STK3: variants seen among roughly 807,000 people sequenced by gnomAD.
STK3 encodes the protein serine/threonine kinase 3, also known as serine/threonine-protein kinase 3.
Under a neutral mutation model 58.0 loss-of-function variants are expected in STK3, and 41 were observed. The observed-to-expected ratio is 0.71, with a 90% CI of 0.55 to 0.92. STK3 has a LOEUF of 0.92. Ranked by LOEUF, STK3 falls within the 40% of genes least tolerant of loss-of-function variation. The pLI, the probability that STK3 is intolerant of heterozygous loss-of-function variation, is 0.00. For missense variants in STK3, 479 were observed against 602.7 expected (o/e 0.79, Z 2.15); for synonymous variants, 170 against 191.0 (o/e 0.89, Z 0.91).
At chr8:98,351,301 G>T in the STK3 span, among the ~76,000 whole-genome samples, 1 of 152,184 alleles carries the variant, frequency 6.6e-6, no homozygotes, top group East Asian at 1.9e-4. Flanking sequence ...ATGATAAAGT[G>T]TATAATGGCT....
At chr8:98,484,092 T>G (rs1822054506) in intron 10 of STK3, among the ~76,000 whole-genome samples, 1 of 152,144 alleles carries the variant, frequency 6.6e-6, no homozygotes, top group African/African-American at 2.4e-5. Context: ...CTTAAAGACT[T>G]AATACTAAGT....
chr8:98,583,266 A>G (rs1303597550), intron 7 of STK3, among the ~76,000 whole-genome samples: 1 of 152,168 alleles, frequency 6.6e-6, no homozygotes, highest in Non-Finnish European at 1.5e-5. Context: ...TTTGGTGTGT[A>G]TCATCACATG....
chr8:98,820,931 T>C (rs185979964), intron 1 of STK3, among the ~76,000 whole-genome samples: 1 of 152,280 alleles, frequency 6.6e-6, no homozygotes, highest in East Asian at 1.9e-4. Context: ...TGAGCCGAGA[T>C]TGTGCCACTG....
intron 3 of STK3, among the ~76,000 whole-genome samples, chr8:98,868,258 A>G (rs1205377933): frequency 6.6e-6 from 1 of 152,254 alleles, no homozygotes; most frequent in Non-Finnish European, 1.5e-5. Flanking sequence ...TGGACAGTGC[A>G]TGAGTGGAAG....
chr8:98,869,412 C>A (rs957576859), intron 3 of STK3, among the ~76,000 whole-genome samples: 1 of 152,038 alleles, frequency 6.6e-6, no homozygotes, highest in Non-Finnish European at 1.5e-5. Context: ...CAGAGTGAGA[C>A]CCTGTCTCAA....
At chr8:98,389,721 G>C (rs1298210460), upstream of STK3, among the ~76,000 whole-genome samples, 1 of 149,982 alleles carries the variant, frequency 6.7e-6, no homozygotes, top group African/African-American at 2.5e-5. Context: ...GAGTCCTAGA[G>C]AACTCTGATT....
chr8:98,589,000 T>C (rs1814963997), intron 7 of STK3, among the ~76,000 whole-genome samples: 1 of 148,440 alleles, frequency 6.7e-6, no homozygotes, highest in African/African-American at 2.5e-5. Context: ...TACATTCTTC[T>C]AAATTTTTTT....
chr8:98,401,465 T>C (rs890548474), exon 4 of STK3: 14 of 152,222 alleles, frequency 9.2e-5, no homozygotes, highest in African/African-American at 3.4e-4. Context: ...GCTCAAGCAA[T>C]TCTGTGTCCT....
At chr8:98,383,178 T>C (rs1237905112) in intron 1 of STK3, among the ~76,000 whole-genome samples, 9 of 152,236 alleles carry the variant, frequency 5.9e-5, no homozygotes. Context: ...AATTTCTACT[T>C]GTCTTCTGTG....
intron 6 of STK3, among the ~76,000 whole-genome samples, chr8:98,621,012 C>G (rs1818259956): frequency 6.7e-6 from 1 of 150,044 alleles, no homozygotes; most frequent in South Asian, 2.1e-4. Flanking sequence ...TCACTGCAAG[C>G]TCCGCTTCCC....
chr8:98,611,681 G>T (rs927926154), intron 6 of STK3, among the ~76,000 whole-genome samples: 2 of 152,226 alleles, frequency 1.3e-5, no homozygotes, highest in Middle Eastern at 3.4e-3. Context: ...TATGCCAGTG[G>T]TTCTTAACAC....
intron 3 of STK3, chr8:98,426,998 A>G (rs1025931111): frequency 1.3e-5 from 2 of 148,580 alleles, no homozygotes; most frequent in Admixed American, 1.3e-4. Flanking sequence ...GCCCCGTCAC[A>G]CCCGCTCTGC....
downstream of STK3, chr8:98,883,750 G>A (rs1247997660): frequency 2.8e-6 from 2 of 702,728 alleles, no homozygotes; most frequent in Admixed American, 4.0e-5. Flanking sequence ...TCCATGAGTT[G>A]TAACATTTCC....
At chr8:98,864,701 TG>T (rs549822128) in intron 3 of STK3, among the ~76,000 whole-genome samples, 98 of 152,324 alleles carry the variant, frequency 6.4e-4, no homozygotes, top group African/African-American at 2.4e-3. Flanking sequence ...GTAAAATACT[TG>T]TTTATCTGCT....
At chr8:98,759,640 TAA>T (rs879331486) in intron 3 of STK3, among the ~76,000 whole-genome samples, 1 of 144,442 alleles carries the variant, frequency 6.9e-6, no homozygotes, top group Non-Finnish European at 1.5e-5. Flanking sequence ...AACCTTCAAT[TAA>T]AAAAAAAAAA....
intron 7 of STK3, among the ~76,000 whole-genome samples, chr8:98,593,890 C>T (rs767907790): frequency 5.5e-4 from 84 of 151,638 alleles, no homozygotes; most frequent in Non-Finnish European, 7.7e-4. Flanking sequence ...AATTATCCTA[C>T]CCCCCCAAAA....
chr8:98,465,897 C>T (rs1426758970), intron 10 of STK3, among the ~76,000 whole-genome samples: 2 of 152,252 alleles, frequency 1.3e-5, no homozygotes, highest in Middle Eastern at 3.4e-3. Context: ...TTTTCCGTTT[C>T]TGGTAAGTAG....
At chr8:98,498,257 C>T (rs1216288798) in intron 10 of STK3, among the ~76,000 whole-genome samples, 1 of 151,984 alleles carries the variant, frequency 6.6e-6, no homozygotes, top group African/African-American at 2.4e-5. Flanking sequence ...TCATCAAGTT[C>T]TTCCCTATGT....
chr8:98,670,166 C>T (rs1052969093), intron 6 of STK3, among the ~76,000 whole-genome samples: 13 of 152,186 alleles, frequency 8.5e-5, no homozygotes, highest in East Asian at 1.9e-4. Flanking sequence ...TCCAAGAGTT[C>T]GAGACCAGCC....
Sources: gnomAD v4.1 joint callset for allele counts (sites outside exome capture counted in the v4.1 genomes callset) on GRCh38, gnomAD v4.1.1 for gene constraint, MANE v1.5 for transcripts, NCBI Gene and HGNC (gene_info 2026-07-23, HGNC 2026-07-21) for gene names.